CLMN: variants seen among roughly 807,000 people sequenced by gnomAD.
CLMN encodes the protein calmin (calponin-like, transmembrane).
Under a neutral mutation model 92.7 loss-of-function variants are expected in CLMN, and 57 were observed. That is an observed-to-expected ratio of 0.61 (90% CI 0.50 to 0.77). CLMN has a LOEUF of 0.77. CLMN is among the 30% of genes least tolerant of loss of function. The pLI, the probability that CLMN is intolerant of heterozygous loss-of-function variation, is 0.00. For synonymous variants in CLMN, 466 were observed against 470.6 expected (o/e 0.99, Z 0.13); for missense variants, 1,158 against 1,237.5 (o/e 0.94, Z 0.96).
intron 1 of CLMN, among the ~76,000 whole-genome samples, chr14:95,311,199 A>G (rs1004952687): frequency 1.6e-4 from 24 of 151,974 alleles, no homozygotes; most frequent in Non-Finnish European, 3.4e-4. Context: ...TTGGCAGGTC[A>G]CCTCCGAGCC....
chr14:95,283,763 G>A (rs1900231081), intron 1 of CLMN, among the ~76,000 whole-genome samples: 1 of 152,220 alleles, frequency 6.6e-6, no homozygotes, highest in Non-Finnish European at 1.5e-5. Context: ...AAGCATTCAA[G>A]AGGTGACTTG....
At chr14:95,242,244 CTTTTTCTTT>C (rs1376956647) in intron 1 of CLMN, among the ~76,000 whole-genome samples, 1 of 98,882 alleles carries the variant, frequency 1.0e-5, no homozygotes, top group African/African-American at 4.0e-5. Flanking sequence ...TTTCTTTTTT[CTTTTTCTTT>C]TTTTTTTTTT....
chr14:95,274,139 A>T (rs751916709), intron 1 of CLMN, among the ~76,000 whole-genome samples: 12 of 151,886 alleles, frequency 7.9e-5, no homozygotes, highest in African/African-American at 1.2e-4. Flanking sequence ...TACTTTCCCT[A>T]ATTTGCCATC....
In CLMN at chr14:95,231,439, C is replaced by G. The variant is rs945504282; in HGVS notation, c.83-1306G>C. The stretch of plus-strand genomic sequence containing the variant: ...GGTCTCGATCTCCTGACCTCGGGAT[C>G]CGCCCACCTCGGCCTCCCAAAGTAC... On this transcript the variant is annotated intron_variant, in intron 1 of 12. Transcript: ENST00000298912. 3.9e-5 allele frequency among the ~76,000 whole-genome samples: 6 copies of G among 152,044 alleles called. No individual in the cohort carries two copies. In the East Asian group the frequency reaches 1.2e-3, roughly 29 times the overall value.
chr14:95,209,062 A>C (rs1897123296), intron 8 of CLMN, among the ~76,000 whole-genome samples: 1 of 152,222 alleles, frequency 6.6e-6, no homozygotes, highest in African/African-American at 2.4e-5. Flanking sequence ...TGTAACTATT[A>C]GTTGTTGTTA....
chr14:95,278,660 T>C (rs1900026655), intron 1 of CLMN, among the ~76,000 whole-genome samples: 1 of 152,208 alleles, frequency 6.6e-6, no homozygotes, highest in African/African-American at 2.4e-5. Flanking sequence ...TAGTATGCAT[T>C]ATGAGAGATA....
chr14:95,257,678 G>A (rs1353964533), intron 1 of CLMN, among the ~76,000 whole-genome samples: 2 of 152,224 alleles, frequency 1.3e-5, no homozygotes, highest in Admixed American at 6.5e-5. Flanking sequence ...CCCCAGCCAC[G>A]TGGCTATGCG....
chr14:95,252,152 G>A (rs980348732), intron 1 of CLMN, among the ~76,000 whole-genome samples: 45 of 152,278 alleles, frequency 3.0e-4, no homozygotes, highest in African/African-American at 1.0e-3. Flanking sequence ...GAGTGTGCCA[G>A]CTGAAGTCGG....
rs182807817 is a variant in CLMN, at chr14:95,264,478, T to C, written c.83-34345A>G. Among the ~76,000 whole-genome samples the C allele has an allele frequency of 1.8e-4, 27 of 152,214 alleles. 1 individual carries two copies. The highest frequency in any genetic ancestry group is 1.3e-4 in the Admixed American group (2 of 15,298). ...CTTTAAGCTCAGGGAGAATCACAAATCCACCATGCTCAGTACAGAGGGCTC... is the reference window on the plus strand; with the variant it reads ...CTTTAAGCTCAGGGAGAATCACAAACCCACCATGCTCAGTACAGAGGGCTC... On this transcript the variant is annotated intron_variant, in intron 1 of 12. Coordinates refer to ENST00000298912, the MANE Select transcript of CLMN (RefSeq NM_024734.4).
intron 1 of CLMN, among the ~76,000 whole-genome samples, chr14:95,305,353 G>T (rs138087611): frequency 6.6e-6 from 1 of 152,304 alleles, no homozygotes; most frequent in East Asian, 1.9e-4. Context: ...TCAAAGCTCC[G>T]CCCCAACCCT....
At chr14:95,270,261 G>A (rs1051598622) in intron 1 of CLMN, among the ~76,000 whole-genome samples, 2 of 152,018 alleles carry the variant, frequency 1.3e-5, no homozygotes, top group Non-Finnish European at 2.9e-5. Flanking sequence ...TATTTCCCAA[G>A]CCAAGTGCCT....
chr14:95,269,988 C>T (rs1366582479), intron 1 of CLMN, among the ~76,000 whole-genome samples: 1 of 151,504 alleles, frequency 6.6e-6, no homozygotes, highest in Non-Finnish European at 1.5e-5. Context: ...GATTCGGAGA[C>T]TCAGCTAGCG....
chr14:95,304,538 C>G (rs539925056), intron 1 of CLMN, among the ~76,000 whole-genome samples: 1 of 151,956 alleles, frequency 6.6e-6, no homozygotes, highest in Non-Finnish European at 1.5e-5. Context: ...TCCCCTCCCC[C>G]ACATCTCCCA....
At chr14:95,304,974 C>G (rs533514288) in intron 1 of CLMN, among the ~76,000 whole-genome samples, 1 of 152,296 alleles carries the variant, frequency 6.6e-6, no homozygotes, top group African/African-American at 2.4e-5. Flanking sequence ...GTACTCGGAA[C>G]CTGCAGAATG....
intron 5 of CLMN, among the ~76,000 whole-genome samples, chr14:95,215,292 C>T (rs529680943): frequency 3.2e-4 from 49 of 152,334 alleles, no homozygotes; most frequent in African/African-American, 1.2e-3. Context: ...CTAAGGAACA[C>T]TGAGTGATTT....
chr14:95,285,155 T>C lies in CLMN; in HGVS notation c.82+34556A>G, dbSNP rs572386544. ...TTCTCATTTTCTCTCGCCACCACCA[T>C]ATAAGAAGTGCCTTTCGCCTCTCAC... On this transcript the variant is annotated intron_variant, in intron 1 of 12. Transcript: ENST00000298912. Among the ~76,000 whole-genome samples the C allele has an allele frequency of 2.4e-4, 36 of 152,326 alleles. No individual in the cohort carries two copies. In the South Asian group the frequency reaches 7.2e-3, roughly 31 times the overall value.
chr14:95,237,732 T>C (rs1898104900), intron 1 of CLMN, among the ~76,000 whole-genome samples: 1 of 152,214 alleles, frequency 6.6e-6, no homozygotes, highest in Non-Finnish European at 1.5e-5. Context: ...CTCTGGAGGC[T>C]TCTCTGATGC....
intron 1 of CLMN, among the ~76,000 whole-genome samples, chr14:95,250,798 C>T (rs1325334404): frequency 6.6e-6 from 1 of 152,156 alleles, no homozygotes; most frequent in Non-Finnish European, 1.5e-5. Context: ...GGGACTAAGG[C>T]ATAAACAAGG....
At chr14:95,218,594 A>G (rs1026545001) in intron 4 of CLMN, among the ~76,000 whole-genome samples, 1 of 152,168 alleles carries the variant, frequency 6.6e-6, no homozygotes, top group Non-Finnish European at 1.5e-5. Flanking sequence ...ATGGGACAAG[A>G]AGTGACCAGC....
Sources: allele counts gnomAD v4.1 joint callset (sites outside exome capture counted in the v4.1 genomes callset), GRCh38; gene constraint gnomAD v4.1.1; transcripts MANE v1.5; gene names NCBI Gene and HGNC (gene_info 2026-07-23, HGNC 2026-07-21).